The following RBFOX1 variants were observed in gnomAD, a reference collection of about 807,000 sequenced individuals.
RBFOX1 encodes RNA binding protein fox-1 homolog 1.
A neutral mutation model predicts 57.7 loss-of-function variants in RBFOX1; 8 were observed. The ratio of observed to expected loss-of-function variants is 0.14; its 90% CI spans 0.08 to 0.25. The LOEUF (loss-of-function observed/expected upper bound fraction) is 0.25. Among genes scored for constraint, RBFOX1 ranks in the 10% least tolerant of loss-of-function variants. The probability of loss-of-function intolerance (pLI) is 1.00; values close to 1 mark genes in which losing one functional copy is unlikely to be tolerated. For missense variants in RBFOX1, 611 were observed against 548.5 expected (o/e 1.11, Z -1.14); for synonymous variants, 326 against 222.4 (o/e 1.47, Z -4.15).
intron 2 of RBFOX1, among the ~76,000 whole-genome samples, chr16:5,488,938 G>A (rs1224112898): frequency 6.6e-6 from 1 of 152,224 alleles, no homozygotes; most frequent in Non-Finnish European, 1.5e-5. Flanking sequence ...TTACATGTCA[G>A]TATTCTGGTA....
At chr16:5,953,630 T>C (rs1376779434) in intron 4 of RBFOX1, among the ~76,000 whole-genome samples, 2 of 151,926 alleles carry the variant, frequency 1.3e-5, no homozygotes, top group Non-Finnish European at 2.9e-5. Flanking sequence ...CTTAGAATAA[T>C]AGTCTCTAAT....
intron 3 of RBFOX1, among the ~76,000 whole-genome samples, chr16:7,007,315 C>T (rs542429997): frequency 6.6e-6 from 1 of 152,312 alleles, no homozygotes; most frequent in African/African-American, 2.4e-5. Flanking sequence ...GAATGCATCT[C>T]ATCCTTGAAA....
At chr16:6,679,623 AT>A (rs971163168) in intron 3 of RBFOX1, among the ~76,000 whole-genome samples, 3 of 152,092 alleles carry the variant, frequency 2.0e-5, no homozygotes, top group African/African-American at 7.2e-5. Context: ...AGGGTCTAAC[AT>A]TTTTTTGAGC....
rs150160753 is a variant in RBFOX1 at position 6,628,381 on chromosome 16, G to T, written c.-63-26222G>T. Among the ~76,000 whole-genome samples, 139 of 152,292 alleles carry T rather than the reference G, an allele frequency of 9.1e-4. No homozygotes were observed. In the Middle Eastern group the frequency reaches 0.014, roughly 15 times the overall value. ...TGTGATTTTATGTTTTGTGGTACAT[G>T]GACATGCATTTTGTTGTAATTGCAG... On this transcript the variant is annotated intron_variant, in intron 2 of 15. Coordinates refer to ENST00000550418, the MANE Select transcript of RBFOX1 (RefSeq NM_018723.4).
chr16:5,443,902 C>T (rs752697016), intron 1 of RBFOX1, among the ~76,000 whole-genome samples: 2 of 151,892 alleles, frequency 1.3e-5, no homozygotes, highest in Non-Finnish European at 2.9e-5. Context: ...TCTTATTTGC[C>T]GAGGGGAGAT....
intron 4 of RBFOX1, among the ~76,000 whole-genome samples, chr16:7,473,920 C>A (rs985918849): frequency 1.3e-5 from 2 of 152,166 alleles, no homozygotes; most frequent in African/African-American, 4.8e-5. Flanking sequence ...CTCCCTCAAG[C>A]ACCTTTTGAA....
intron 3 of RBFOX1, among the ~76,000 whole-genome samples, chr16:6,973,926 G>A (rs12926240): frequency 0.27 from 40,862 of 151,938 alleles, 6,995 homozygotes; most frequent in Middle Eastern, 0.43. Context: ...CCTAATGCTC[G>A]TCCCCTCCAT....
At chr16:6,791,265 G>C (rs1484378604) in intron 3 of RBFOX1, among the ~76,000 whole-genome samples, 1 of 152,158 alleles carries the variant, frequency 6.6e-6, no homozygotes, top group Non-Finnish European at 1.5e-5. Context: ...AGCTGCCATT[G>C]ACTCAGCTGC....
chr16:5,754,038 T>C (rs2053309582), intron 3 of RBFOX1, among the ~76,000 whole-genome samples: 1 of 152,230 alleles, frequency 6.6e-6, no homozygotes, highest in African/African-American at 2.4e-5. Flanking sequence ...TCAATGTGTA[T>C]GTTAGTATGC....
intron 4 of RBFOX1, among the ~76,000 whole-genome samples, chr16:7,411,763 C>T (rs143985468): frequency 1.3e-3 from 203 of 152,132 alleles, no homozygotes; most frequent in Non-Finnish European, 2.5e-3. Context: ...ATTAGCTGGG[C>T]GTGGTGGCGC....
chr16:5,349,472 G>A (rs2065213721), intron 1 of RBFOX1, among the ~76,000 whole-genome samples: 1 of 152,150 alleles, frequency 6.6e-6, no homozygotes, highest in Non-Finnish European at 1.5e-5. Context: ...TCAGGAGTTC[G>A]AGACCAGCCT....
intron 2 of RBFOX1, among the ~76,000 whole-genome samples, chr16:5,516,793 T>C (rs1374282622): frequency 6.6e-6 from 1 of 152,148 alleles, no homozygotes; most frequent in Non-Finnish European, 1.5e-5. Context: ...GCTTTTCTCC[T>C]TTTGCTCGGC....
At chr16:6,359,371 A>G (rs8053224) in intron 2 of RBFOX1, among the ~76,000 whole-genome samples, 47,031 of 151,918 alleles carry the variant, frequency 0.31, 7,961 homozygotes, top group African/African-American at 0.45. Flanking sequence ...GAGATTACAG[A>G]TGTGAGCCAC....
chr16:7,067,676 C>G (rs1296992338), intron 4 of RBFOX1, among the ~76,000 whole-genome samples: 1 of 114,614 alleles, frequency 8.7e-6, no homozygotes, highest in Non-Finnish European at 1.7e-5. Flanking sequence ...CCAAAGCTAT[C>G]CCTCCCCCGT....
intron 4 of RBFOX1, among the ~76,000 whole-genome samples, chr16:5,982,361 C>T (rs1298762587): frequency 1.3e-5 from 2 of 152,000 alleles, no homozygotes; most frequent in Non-Finnish European, 2.9e-5. Context: ...GCAACCTCCG[C>T]CTTCTGGGTT....
chr16:6,841,042 A>C (rs1258119310), intron 3 of RBFOX1, among the ~76,000 whole-genome samples: 1 of 152,036 alleles, frequency 6.6e-6, no homozygotes, highest in African/African-American at 2.4e-5. Context: ...GGGAGAAATA[A>C]ACTTGTTTTG....
upstream of RBFOX1, chr16:6,018,972 G>GCA: frequency 1.8e-6 from 1 of 563,750 alleles, no homozygotes; most frequent in Non-Finnish European, 2.2e-6. Flanking sequence ...CGTGACCGCG[G>GCA]CGGCGGCGGC....
At chr16:6,285,806 C>A (rs2076845528) in intron 1 of RBFOX1, among the ~76,000 whole-genome samples, 1 of 152,114 alleles carries the variant, frequency 6.6e-6, no homozygotes, top group Non-Finnish European at 1.5e-5. Flanking sequence ...GCTCTAGTTG[C>A]AGTGGAGACA....
chr16:7,098,943 A>G (rs753595277), intron 4 of RBFOX1, among the ~76,000 whole-genome samples: 3 of 152,038 alleles, frequency 2.0e-5, no homozygotes, highest in Admixed American at 6.6e-5. Flanking sequence ...TTGTTTTTCA[A>G]CTGATATTGA....
Sources: allele counts gnomAD v4.1 joint callset (sites outside exome capture counted in the v4.1 genomes callset), GRCh38; gene constraint gnomAD v4.1.1; transcripts MANE v1.5; gene names NCBI Gene and HGNC (gene_info 2026-07-23, HGNC 2026-07-21).